Variants in ALKBH4 observed in about 807,000 individuals in gnomAD.
The protein encoded by ALKBH4 is alpha-ketoglutarate-dependent dioxygenase alkB homolog 4.
In ALKBH4, 8 loss-of-function variants were observed where a neutral mutation model predicts 12.1. The ratio of observed to expected loss-of-function variants is 0.66; its 90% CI spans 0.39 to 1.19. The LOEUF is 1.19. Ranked by LOEUF, ALKBH4 falls within the 50% of genes most tolerant of loss-of-function variation. The pLI, the probability that ALKBH4 is intolerant of heterozygous loss-of-function variation, is 0.01. For synonymous variants in ALKBH4, 195 were observed against 191.6 expected (o/e 1.02, Z -0.15); for missense variants, 403 against 430.4 (o/e 0.94, Z 0.56).
At chr7:102,458,254 T>A (rs1294764158) in intron 2 of ALKBH4, among the ~76,000 whole-genome samples, 1 of 151,990 alleles carries the variant, frequency 6.6e-6, no homozygotes, top group South Asian at 2.1e-4. Flanking sequence ...GGCAACAAAG[T>A]GAGACCTCCT....
Position 102,464,755 on chromosome 7 carries a change from G to C in ALKBH4, c.82C>G (p.Arg28Gly). The C allele has an allele frequency of 6.4e-7, 1 of 1,570,196 alleles. No individual in the cohort carries two copies. Among genetic ancestry groups the C allele is most frequent in the Middle Eastern group, 1.7e-4 (1 of 5,960 alleles). Residue 28 changes from arginine (R) to glycine (G), a missense_variant, in exon 1 of 3, where the codon CGG becomes GGG. Arg to Gly is a moderately radical substitution (Grantham distance 125, BLOSUM62 -2). Transcript: ENST00000292566. Reference protein sequence around the residue: ...KGIRTCLICERQRGSDPPWEL... With the variant: ...KGIRTCLICEGQRGSDPPWEL... ...CAGGGCGGGTCACTGCCGCGCTGCCGCTCGCAGATCAGACAGGTCCGGATG... is the reference window on the plus strand; with the variant it reads ...CAGGGCGGGTCACTGCCGCGCTGCCCCTCGCAGATCAGACAGGTCCGGATG...
rs757902928 is a variant in ALKBH4, at chr7:102,457,670, C to T, written c.633G>A (p.Pro211=). The change falls in exon 3 of 3, where the codon CCG becomes CCA. Residue 211 remains proline (P), a synonymous_variant. Coordinates refer to ENST00000292566, the MANE Select transcript of ALKBH4 (RefSeq NM_017621.4). The surrounding 1 kb of genome is among the most constrained non-coding windows in gnomAD (Gnocchi z 5.9). The stretch of plus-strand genomic sequence containing the variant: ...CTATCACGCTGTCCACCAAGGCCTC[C>T]GGGGCAGCCGACGGGGCCGAGCAGA... ...LLLCSAPSAA[P]EALVDSVIAP... 15 of 1,561,022 alleles carry T rather than the reference C, an allele frequency of 9.6e-6. No individual in the cohort carries two copies. The highest frequency in any genetic ancestry group is 1.9e-5 in the Admixed American group (1 of 53,618).
chr7:102,457,613 C>T lies in ALKBH4; in HGVS notation c.690G>A (p.Val230=), dbSNP rs1797683725. 1.9e-6 allele frequency: 3 copies of T among 1,597,746 alleles called. No homozygotes were observed. Among genetic ancestry groups the T allele is most frequent in the Admixed American group, 3.4e-5 (2 of 59,218 alleles). Reference sequence around the variant, plus strand: ...GGGCGGGTAAGGGGATGGCCACCTCCACCTCCTGGCATAGCACCGACCGGC... The same window carrying T: ...GGGCGGGTAAGGGGATGGCCACCTCTACCTCCTGGCATAGCACCGACCGGC... ...APSRSVLCQE[V]EVAIPLPARS... Residue 230 remains valine (V), a synonymous_variant, in exon 3 of 3, where the codon GTG becomes GTA. Transcript: ENST00000292566. The surrounding 1 kb of genome is among the most constrained non-coding windows in gnomAD (Gnocchi z 5.9).
chr7:102,464,825 A>C lies in ALKBH4; in HGVS notation c.12T>G (p.Ala4=). Residue 4 remains alanine (A), a synonymous_variant, in exon 1 of 3, where the codon GCT becomes GCG. Transcript: ENST00000292566. ...GAAGGACTTCGGGGGTCTCGGCGGC[A>C]GCCGCCGCCATCGCGCCGTCCGCGT... is the stretch of plus-strand genomic sequence containing the variant. MAA[A]AAETPEVLRE... 6.6e-7 allele frequency: 1 copy of C among 1,525,124 alleles called. No individual in the cohort carries two copies. Among genetic ancestry groups the C allele is most frequent in the South Asian group, 1.2e-5 (1 of 82,538 alleles). The allele number at this position is 1,525,124 out of a possible 1,614,324, so 94.5% of individuals were successfully genotyped here. A position where few individuals can be genotyped will look rare whatever the true frequency, so the allele number is the denominator to read the frequency against.
At chr7:102,459,071 G>A (rs1332525234) in intron 2 of ALKBH4, among the ~76,000 whole-genome samples, 3 of 151,596 alleles carry the variant, frequency 2.0e-5, no homozygotes, top group Admixed American at 1.3e-4. Context: ...GCTTGAACCC[G>A]GGAAGCAGAG....
Position 102,457,975 on chromosome 7 carries a change from C to T in ALKBH4, c.328G>A (p.Gly110Ser), listed in dbSNP as rs773582514. 4.4e-6 allele frequency: 7 copies of T among 1,606,462 alleles called. No individual in the cohort carries two copies. Among genetic ancestry groups the T allele is most frequent in the Middle Eastern group, 1.7e-4 (1 of 6,040 alleles). ...SQSGRRKQDY[G>S]PKVNFRKQKL... ...TGTTTCCGAAAGTTGACTTTGGGGC[C>T]ATAGTCCTGAAGGATGAAGACAAAG... Residue 110 changes from glycine to serine, a missense_variant, in exon 3 of 3, where the codon GGC becomes AGC. Gly to Ser is a moderately conservative substitution (Grantham distance 56, BLOSUM62 0). Transcript: ENST00000292566. The surrounding 1 kb of genome is among the most constrained non-coding windows in gnomAD (Gnocchi z 5.9).
chr7:102,462,143 G>A lies in ALKBH4; in HGVS notation c.124-2342C>T, dbSNP rs77848122. Among the ~76,000 whole-genome samples the A allele has an allele frequency of 3.3e-5, 5 of 152,242 alleles. No individual in the cohort carries two copies. In the South Asian group the frequency reaches 8.3e-4, roughly 25 times the overall value. ...GGACTTGTCCGAAAGGCCATGGAGCGCTCTTGAAGGGTTTTAAAGGAGTGA... is the reference window on the plus strand; with the variant it reads ...GGACTTGTCCGAAAGGCCATGGAGCACTCTTGAAGGGTTTTAAAGGAGTGA... On this transcript the variant is annotated intron_variant, in intron 1 of 2. Coordinates refer to ENST00000292566, the MANE Select transcript of ALKBH4 (RefSeq NM_017621.4).
intron 1 of ALKBH4, 53 bp downstream of exon 1, chr7:102,464,661 T>C (rs1330048885): frequency 6.8e-7 from 1 of 1,470,198 alleles, no homozygotes; most frequent in Non-Finnish European, 9.0e-7. Context: ...GGACCTCAGT[T>C]TCCCCAGATG....
At position 102,459,815 on chromosome 7, in the gene ALKBH4, AC is replaced by A. The variant is rs1797751834; in HGVS notation, c.124-15del. The A allele has an allele frequency of 5.1e-6, 8 of 1,577,994 alleles. No homozygotes were observed. The South Asian group carries it at 9.4e-5, about 18-fold the overall frequency. Reference sequence around the variant, plus strand: ...ACGGTATGTTTTCTGCAAAAGAAACACAAGTCCACAGGCTGGGCAACACAGC... The same window carrying A: ...ACGGTATGTTTTCTGCAAAAGAAACAAAGTCCACAGGCTGGGCAACACAGC... On this transcript the variant is annotated splice_polypyrimidine_tract_variant and intron_variant, in intron 1 of 2. Coordinates refer to ENST00000292566, the MANE Select transcript of ALKBH4 (RefSeq NM_017621.4).
chr7:102,459,368 C>T (rs2133252307), intron 2 of ALKBH4: 2 of 444,644 alleles, frequency 4.5e-6, no homozygotes, highest in Middle Eastern at 6.0e-4. Context: ...TACAGAGGGG[C>T]AGAGAGCCCA....
chr7:102,460,031 G>C (rs1230131699), intron 1 of ALKBH4, among the ~76,000 whole-genome samples: 1 of 151,942 alleles, frequency 6.6e-6, no homozygotes, highest in Non-Finnish European at 1.5e-5. Flanking sequence ...GCAGGTGCCT[G>C]TAATCCCAGC....
chr7:102,460,072 TA>T (rs1659360817), intron 1 of ALKBH4, among the ~76,000 whole-genome samples: 1 of 150,552 alleles, frequency 6.6e-6, no homozygotes, highest in Non-Finnish European at 1.5e-5. Flanking sequence ...GAGAATTGCT[TA>T]AACCCAGAAG....
At chr7:102,464,043 C>T (rs527482765) in intron 1 of ALKBH4, among the ~76,000 whole-genome samples, 2 of 151,998 alleles carry the variant, frequency 1.3e-5, no homozygotes, top group Middle Eastern at 3.4e-3. Context: ...AGACCTCCCC[C>T]CCCCCACAAC....
intron 1 of ALKBH4, among the ~76,000 whole-genome samples, chr7:102,461,712 G>A (rs1399933228): frequency 6.6e-6 from 1 of 152,188 alleles, no homozygotes; most frequent in Non-Finnish European, 1.5e-5. Context: ...GCCAGTATTT[G>A]CATCTGTGGC....
chr7:102,462,142 C>A (rs772679260), intron 1 of ALKBH4, among the ~76,000 whole-genome samples: 6 of 152,146 alleles, frequency 3.9e-5, no homozygotes, highest in African/African-American at 1.4e-4. Context: ...GGCCATGGAG[C>A]GCTCTTGAAG....
intron 2 of ALKBH4, among the ~76,000 whole-genome samples, chr7:102,459,145 C>CA (rs377478984): frequency 0.017 from 903 of 52,952 alleles, 19 homozygotes; most frequent in African/African-American, 0.03. Context: ...GACTCTGTCT[C>CA]AAAAAAAAAA....
At position 102,459,704 on chromosome 7, in the gene ALKBH4, A is replaced by G. The variant is rs1420481935; in HGVS notation, c.221T>C (p.Met74Thr). The change falls in exon 2 of 3, where the codon ATG becomes ACG. Residue 74 changes from methionine to threonine, a missense_variant. By Grantham distance (81) the Met-to-Thr change is moderately conservative (BLOSUM62 -1). Transcript: ENST00000292566. ...EGWAFPFPGV[M>T]LIEDFVTREE... ...CCGGGTCACAAAGTCCTCGATCAGC[A>G]TCACTCCTGGGAAGGGGAAGGCCCA... 6.2e-7 allele frequency: 1 copy of G among 1,614,194 alleles called. No homozygotes were observed. The highest frequency in any genetic ancestry group is 1.1e-5 in the South Asian group (1 of 91,090).
intron 1 of ALKBH4, among the ~76,000 whole-genome samples, chr7:102,460,018 G>T (rs1274589745): frequency 2.0e-5 from 3 of 152,214 alleles, no homozygotes; most frequent in African/African-American, 4.8e-5. Flanking sequence ...GCCAGGCATG[G>T]TGGCAGGTGC....
chr7:102,459,615 G>A lies in ALKBH4; in HGVS notation c.310C>T (p.Arg104Trp), dbSNP rs200171844. 7.4e-5 allele frequency: 120 copies of A among 1,613,414 alleles called. No homozygotes were observed. The highest frequency in any genetic ancestry group is 2.5e-4 in the East Asian group (11 of 44,892). ...CAGGGCCGGTCTACCTGCTTCCTCC[G>A]TCCAGACTGGGAGAGCTTCCAGGGG... ...RDPWKLSQSG[R>W]RKQDYGPKVN... The change falls in exon 2 of 3, where the codon CGG (arginine) becomes TGG (tryptophan). Residue 104 changes from arginine (R) to tryptophan (W), a missense_variant. Coordinates refer to ENST00000292566, the MANE Select transcript of ALKBH4 (RefSeq NM_017621.4).
Sources: allele counts gnomAD v4.1 joint callset (sites outside exome capture counted in the v4.1 genomes callset), GRCh38; gene constraint gnomAD v4.1.1; non-coding constraint Gnocchi (gnomAD v3.1); transcripts MANE v1.5; gene names NCBI Gene and HGNC (gene_info 2026-07-23, HGNC 2026-07-21).